RBFOX1: variants seen among roughly 807,000 people sequenced by gnomAD.
RBFOX1 encodes RNA binding fox-1 homolog 1.
A neutral mutation model predicts 57.7 loss-of-function variants in RBFOX1; 8 were observed. The observed-to-expected ratio is 0.14, with a 90% CI of 0.08 to 0.25. RBFOX1 has a LOEUF of 0.25. RBFOX1 is among the 10% of genes least tolerant of loss of function. The pLI is 1.00. For synonymous variants in RBFOX1, 326 were observed against 222.4 expected (o/e 1.47, Z -4.15); for missense variants, 611 against 548.5 (o/e 1.11, Z -1.14).
intron 4 of RBFOX1, among the ~76,000 whole-genome samples, chr16:7,403,614 T>G (rs1261837937): frequency 7.8e-6 from 1 of 128,708 alleles, no homozygotes; most frequent in Non-Finnish European, 1.6e-5. Context: ...TGGCACAATC[T>G]CAGGTCAGGG....
Position 6,888,409 on chromosome 16 carries a change from T to C in RBFOX1, c.-15-163648T>C, listed in dbSNP as rs563253952. Among the ~76,000 whole-genome samples, 10 of 152,306 alleles carry C rather than the reference T, an allele frequency of 6.6e-5. 1 individual carries two copies. The South Asian group carries it at 2.1e-3, about 32-fold the overall frequency. On this transcript the variant is annotated intron_variant, in intron 3 of 15. Transcript: ENST00000550418. ...ACTTGGAGGAGAAAGAGCTTACTGA[T>C]GTCAACACTTAGAAAGCAGTGTTCT...
At position 6,834,738 on chromosome 16, in the gene RBFOX1, G is replaced by A. The variant is rs186373794; in HGVS notation, c.-16+180088G>A. On this transcript the variant is annotated intron_variant, in intron 3 of 15. Transcript: ENST00000550418. ...GAGTTAAGCGTCCTCTCTGACCTGC[G>A]ACTGCTCGTGAGACAGTTGCATTTA... Among the ~76,000 whole-genome samples, 677 of 152,156 alleles carry A rather than the reference G, an allele frequency of 4.4e-3. 9 individuals carry two copies. The highest frequency in any genetic ancestry group is 4.6e-3 in the Non-Finnish European group (312 of 68,006).
intron 2 of RBFOX1, among the ~76,000 whole-genome samples, chr16:6,557,107 A>G (rs970373057): frequency 5.6e-5 from 8 of 141,972 alleles, no homozygotes; most frequent in African/African-American, 1.9e-4. Context: ...ATATACATAC[A>G]TATATACATA....
chr16:7,284,535 T>G lies in RBFOX1; in HGVS notation c.27+232437T>G, dbSNP rs961212256. On this transcript the variant is annotated intron_variant, in intron 4 of 15. Transcript: ENST00000550418. ...TTGTAGAGATGAGGTCCTGCTATAT[T>G]GTCCAGATTGATCTCGATCTCCTGG... 4.6e-5 allele frequency among the ~76,000 whole-genome samples: 7 copies of G among 151,912 alleles called. No individual in the cohort carries two copies. The East Asian group carries it at 1.4e-3, about 29-fold the overall frequency.
At chr16:7,608,755 T>TA (rs374901814) in intron 10 of RBFOX1, among the ~76,000 whole-genome samples, 2 of 152,234 alleles carry the variant, frequency 1.3e-5, no homozygotes, top group African/African-American at 4.8e-5. Flanking sequence ...TTATTAGAAT[T>TA]AAATGGGTTA....
At chr16:5,722,094 G>T (rs1596963381) in intron 3 of RBFOX1, among the ~76,000 whole-genome samples, 1 of 152,182 alleles carries the variant, frequency 6.6e-6, no homozygotes. Context: ...GCCTTTAAAA[G>T]AACCAGGTTG....
chr16:6,375,185 C>T (rs1196715623), intron 2 of RBFOX1, among the ~76,000 whole-genome samples: 1 of 152,072 alleles, frequency 6.6e-6, no homozygotes, highest in East Asian at 1.9e-4. Context: ...AAAACACCAA[C>T]TGCAAGAGGG....
At chr16:5,342,861 T>TTG (rs781318121) in intron 1 of RBFOX1, among the ~76,000 whole-genome samples, 3 of 152,304 alleles carry the variant, frequency 2.0e-5, no homozygotes, top group African/African-American at 2.4e-5. Context: ...TCTTTCCCTA[T>TTG]TGTACAGCAG....
intron 7 of RBFOX1, 122 bp downstream of exon 7, chr16:7,587,422 C>A: frequency 9.7e-7 from 1 of 1,034,030 alleles, no homozygotes; most frequent in East Asian, 3.1e-5. Flanking sequence ...GTGGGAATTC[C>A]TTTAGAGACC....
At chr16:5,886,793 C>T (rs1473294196) in intron 4 of RBFOX1, among the ~76,000 whole-genome samples, 1 of 152,180 alleles carries the variant, frequency 6.6e-6, no homozygotes, top group Admixed American at 6.6e-5. Flanking sequence ...GAGGCTGAGG[C>T]AGGGGAATCA....
chr16:6,706,931 T>C (rs1264387466), intron 3 of RBFOX1, among the ~76,000 whole-genome samples: 1 of 152,176 alleles, frequency 6.6e-6, no homozygotes, highest in East Asian at 1.9e-4. Flanking sequence ...ACAAGCTGTA[T>C]AGTCACTTAA....
At chr16:7,167,170 G>C (rs34405982) in intron 4 of RBFOX1, among the ~76,000 whole-genome samples, 3 of 151,318 alleles carry the variant, frequency 2.0e-5, no homozygotes, top group Admixed American at 2.0e-4. Context: ...GTTTTTAGTA[G>C]AGAAGGGATT....
intron 4 of RBFOX1, among the ~76,000 whole-genome samples, chr16:7,121,588 T>A (rs2067196195): frequency 6.6e-6 from 1 of 152,164 alleles, no homozygotes; most frequent in Non-Finnish European, 1.5e-5. Flanking sequence ...TATACATAGA[T>A]TCAAAGACTC....
At chr16:6,236,439 A>AT (rs34039278) in intron 1 of RBFOX1, among the ~76,000 whole-genome samples, 29,165 of 145,254 alleles carry the variant, frequency 0.2, 6,011 homozygotes, top group African/African-American at 0.53. Flanking sequence ...TATGATGTTT[A>AT]TTTTTTTTTT....
At chr16:7,283,219 C>CCTCTCTCTGCTTGT (rs1555665356) in intron 4 of RBFOX1, among the ~76,000 whole-genome samples, 2 of 151,756 alleles carry the variant, frequency 1.3e-5, no homozygotes, top group Non-Finnish European at 1.5e-5. Flanking sequence ...ACTTTGTGTG[C>CCTCTCTCTGCTTGT]CTCTCTCTGC....
At chr16:6,559,222 G>C (rs2097146827) in intron 2 of RBFOX1, among the ~76,000 whole-genome samples, 1 of 151,830 alleles carries the variant, frequency 6.6e-6, no homozygotes, top group Admixed American at 6.6e-5. Context: ...TCATGTCAAT[G>C]TCTAGATAAG....
In RBFOX1 at chr16:6,877,983, A is replaced by G. The variant is rs1008797894; in HGVS notation, c.-15-174074A>G. ...AGGGGATAAGGGTTTCAGAGAGCCG[A>G]GTCATTGTGCTTAAGCATATAGGAG... On this transcript the variant is annotated intron_variant, in intron 3 of 15. Transcript: ENST00000550418. Among the ~76,000 whole-genome samples the G allele has an allele frequency of 1.3e-5, 2 of 152,092 alleles. 1 individual carries two copies. Among genetic ancestry groups the G allele is most frequent in the Non-Finnish European group, 2.9e-5 (2 of 68,020 alleles).
At chr16:6,191,559 G>C (rs1173559114) in intron 1 of RBFOX1, among the ~76,000 whole-genome samples, 2 of 152,014 alleles carry the variant, frequency 1.3e-5, no homozygotes, top group African/African-American at 4.8e-5. Context: ...TTCTTTATTG[G>C]AGAGAAAAAA....
rs901433115 is a variant in RBFOX1, at chr16:5,428,957, A to C, written c.220-38259A>C. Among the ~76,000 whole-genome samples, 3 of 152,082 alleles carry C rather than the reference A, an allele frequency of 2.0e-5. No homozygotes were observed. The East Asian group carries it at 5.8e-4, about 29-fold the overall frequency. On this transcript the variant is annotated intron_variant, in intron 1 of 2. Coordinates refer to the RBFOX1 transcript ENST00000585867. Reference sequence around the variant, plus strand: ...TGGCTTGTCTCGATGTGAGCAGTGCAGGGGCTTTTCCTCTCTTCCTAACAA... The same window carrying C: ...TGGCTTGTCTCGATGTGAGCAGTGCCGGGGCTTTTCCTCTCTTCCTAACAA...
Sources: gnomAD v4.1 joint callset for allele counts (sites outside exome capture counted in the v4.1 genomes callset) on GRCh38, gnomAD v4.1.1 for gene constraint, MANE v1.5 for transcripts, NCBI Gene and HGNC (gene_info 2026-07-23, HGNC 2026-07-21) for gene names.